CSDE1: variants seen among roughly 807,000 people sequenced by gnomAD.
CSDE1 encodes the protein cold shock domain containing E1.
Under a neutral mutation model 89.3 loss-of-function variants are expected in CSDE1, and 17 were observed. That is an observed-to-expected ratio of 0.19 (90% CI 0.13 to 0.29). CSDE1 has a LOEUF of 0.29. Ranked by LOEUF, CSDE1 falls within the 10% of genes least tolerant of loss-of-function variation. The pLI, the probability that CSDE1 is intolerant of heterozygous loss-of-function variation, is 1.00. For missense variants in CSDE1, 672 were observed against 984.2 expected (o/e 0.68, Z 4.24); for synonymous variants, 322 against 332.8 (o/e 0.97, Z 0.35).
intron 15 of CSDE1, among the ~76,000 whole-genome samples, 185 bp downstream of exon 15, chr1:114,725,036 C>T (rs1244145563): frequency 6.6e-6 from 1 of 152,202 alleles, no homozygotes; most frequent in Non-Finnish European, 1.5e-5. Flanking sequence ...CACAGAGTTT[C>T]AGTGGGTATG....
chr1:114,755,443 T>C (rs777195815), intron 1 of CSDE1, among the ~76,000 whole-genome samples: 6 of 152,334 alleles, frequency 3.9e-5, no homozygotes, highest in South Asian at 4.1e-4. Context: ...ATGTGCAACA[T>C]AGGGGAAACT....
rs1659665522 is a variant in CSDE1, at chr1:114,723,986, C to T, written c.1770G>A (p.Glu590=). 6.2e-7 allele frequency: 1 copy of T among 1,613,788 alleles called. No homozygotes were observed. The highest frequency in any genetic ancestry group is 8.5e-7 in the Non-Finnish European group (1 of 1,179,806). The change falls in exon 16 of 20, where the codon GAG becomes GAA. Residue 590 remains glutamate, a synonymous_variant. Coordinates refer to ENST00000358528, the MANE Select transcript of CSDE1 (RefSeq NM_001007553.3). The stretch of plus-strand genomic sequence containing the variant: ...CAGAGTAAATGGTGGGATCAGCTTC[C>T]TCAGTAATGCCATTCACTACAAAAC... ...NKTHSVNGIT[E]EADPTIYSGK...
In CSDE1 at chr1:114,718,158, T is replaced by G; in HGVS notation, c.*11A>C. 1 of 1,614,068 alleles carries G rather than the reference T, an allele frequency of 6.2e-7. No individual in the cohort carries two copies. The highest frequency in any genetic ancestry group is 8.5e-7 in the Non-Finnish European group (1 of 1,179,968). Reference sequence around the variant, plus strand: ...ATCATAGTGGATTAATGGTGTGCTTTGTGGATGTGGTTAGTCAATGACACC... The same window carrying G: ...ATCATAGTGGATTAATGGTGTGCTTGGTGGATGTGGTTAGTCAATGACACC... On this transcript the variant is annotated 3_prime_UTR_variant, in exon 20 of 20. Coordinates refer to ENST00000358528, the MANE Select transcript of CSDE1 (RefSeq NM_001007553.3).
intron 15 of CSDE1, 74 bp from the exon 16 acceptor site, chr1:114,724,076 A>G: frequency 6.6e-7 from 1 of 1,512,768 alleles, no homozygotes; most frequent in Middle Eastern, 1.8e-4. Context: ...TAAGCAAAAA[A>G]TAACAGCACA....
At chr1:114,720,432 A>G (rs1328033981) in intron 17 of CSDE1, 107 bp downstream of exon 17, 1 of 1,124,444 alleles carries the variant, frequency 8.9e-7, no homozygotes, top group Non-Finnish European at 1.2e-6. Context: ...GTAGAAATAA[A>G]AAAACGAATG....
Position 114,720,692 on chromosome 1 carries a change from T to C in CSDE1, c.1899A>G (p.Pro633=), listed in dbSNP as rs1659466659. Residue 633 remains proline, a synonymous_variant, in exon 17 of 20, where the codon CCA becomes CCG. Coordinates refer to ENST00000358528, the MANE Select transcript of CSDE1 (RefSeq NM_001007553.3). Reference sequence around the variant, plus strand: ...TGTTGGCCATCCCAACGATGCCAAATGGATAGACCTCACCTTTCATATCGC... The same window carrying C: ...TGTTGGCCATCCCAACGATGCCAAACGGATAGACCTCACCTTTCATATCGC... ...EEGDMKGEVY[P]FGIVGMANKG... The C allele has an allele frequency of 5.6e-6, 9 of 1,614,078 alleles. No homozygotes were observed. Among genetic ancestry groups the C allele is most frequent in the African/African-American group, 5.3e-5 (4 of 74,930 alleles).
intron 18 of CSDE1, chr1:114,719,030 T>G: frequency 2.9e-6 from 1 of 344,374 alleles, no homozygotes; most frequent in Non-Finnish European, 5.3e-6. Context: ...AAAAACAAGG[T>G]AGCAGATGTG....
chr1:114,737,657 T>C, intron 4 of CSDE1, 94 bp from the exon 5 acceptor site: 1 of 886,086 alleles, frequency 1.1e-6, no homozygotes, highest in South Asian at 1.5e-5. Context: ...CTATACTATA[T>C]ACAGGGATGC....
At chr1:114,721,320 A>C (rs564662540) in intron 16 of CSDE1, among the ~76,000 whole-genome samples, 23 of 152,190 alleles carry the variant, frequency 1.5e-4, no homozygotes, top group Non-Finnish European at 2.6e-4. Context: ...GTAGTGAGAA[A>C]GCAACGAAAA....
intron 16 of CSDE1, among the ~76,000 whole-genome samples, chr1:114,723,490 A>G (rs1659636852): frequency 6.6e-6 from 1 of 152,160 alleles, no homozygotes; most frequent in Non-Finnish European, 1.5e-5. Context: ...TAGGGGGGAA[A>G]AAAACAGTAA....
At chr1:114,718,890 C>G (rs1659353053) in intron 18 of CSDE1, 145 bp from the exon 19 acceptor site, 3 of 810,918 alleles carry the variant, frequency 3.7e-6, no homozygotes, top group Middle Eastern at 2.9e-4. Context: ...GCTAGAAAGA[C>G]AGGACAGACA....
intron 2 of CSDE1, chr1:114,741,687 G>A (rs1263484374): frequency 2.7e-6 from 4 of 1,507,940 alleles, no homozygotes; most frequent in African/African-American, 1.4e-5. Flanking sequence ...TTATAACATA[G>A]CATAATGTTG....
chr1:114,751,120 T>C (rs1398877583), intron 1 of CSDE1, among the ~76,000 whole-genome samples: 1 of 152,198 alleles, frequency 6.6e-6, no homozygotes, highest in Non-Finnish European at 1.5e-5. Context: ...GTATTAAGTC[T>C]TGAAATCCTA....
intron 17 of CSDE1, 29 bp from the exon 18 acceptor site, chr1:114,719,771 A>G (rs779919493): frequency 1.0e-5 from 16 of 1,598,602 alleles, no homozygotes; most frequent in Non-Finnish European, 1.2e-5. Flanking sequence ...TAAAAAAGAG[A>G]GGGCATGCCA....
chr1:114,742,174 T>G (rs183504842), intron 2 of CSDE1, among the ~76,000 whole-genome samples: 4 of 152,266 alleles, frequency 2.6e-5, no homozygotes, highest in African/African-American at 9.6e-5. Flanking sequence ...GAGGAAAGAG[T>G]GGAGAACTCC....
At chr1:114,744,856 T>A (rs965563443) in intron 2 of CSDE1, among the ~76,000 whole-genome samples, 2 of 152,164 alleles carry the variant, frequency 1.3e-5, no homozygotes, top group African/African-American at 4.8e-5. Flanking sequence ...AACTTTCAAT[T>A]CAAAGCTAAA....
At chr1:114,728,520 T>C (rs1289401801) in intron 12 of CSDE1, among the ~76,000 whole-genome samples, 2 of 152,112 alleles carry the variant, frequency 1.3e-5, no homozygotes, top group African/African-American at 2.4e-5. Flanking sequence ...TAGGGTACTG[T>C]TGGACTAAGA....
In CSDE1 at chr1:114,719,571, A is replaced by C. The variant is rs374142919; in HGVS notation, c.2216+8T>G. 3.1e-6 allele frequency: 5 copies of C among 1,611,294 alleles called. No individual in the cohort carries two copies. The South Asian group carries it at 4.4e-5, about 14-fold the overall frequency. The stretch of plus-strand genomic sequence containing the variant: ...AGTTACTAATCAAACCACAACAACA[A>C]AACTCACCAGACTCGCCAAACATTA... On this transcript the variant is annotated splice_region_variant and intron_variant, in intron 18 of 19. Coordinates refer to ENST00000358528, the MANE Select transcript of CSDE1 (RefSeq NM_001007553.3).
At chr1:114,726,435 TCTCCTTAA>T (rs756986299) in intron 13 of CSDE1, 49 bp from the exon 14 acceptor site, 1 of 1,447,682 alleles carries the variant, frequency 6.9e-7, no homozygotes, top group Non-Finnish European at 9.3e-7. Context: ...TCCACACCAA[TCTCCTTAA>T]CTCAGAAAAC....
Sources: gnomAD v4.1 joint callset for allele counts (sites outside exome capture counted in the v4.1 genomes callset) on GRCh38, gnomAD v4.1.1 for gene constraint, MANE v1.5 for transcripts, NCBI Gene and HGNC (gene_info 2026-07-23, HGNC 2026-07-21) for gene names.